The following LDB2 variants were observed in gnomAD, a reference collection of about 807,000 sequenced individuals.
LDB2 encodes the protein LIM domain-binding protein 2.
In LDB2, 12 loss-of-function variants were observed where a neutral mutation model predicts 44.3. The observed-to-expected ratio is 0.27, with a 90% CI of 0.17 to 0.44. LDB2 has a LOEUF of 0.44. Among genes scored for constraint, LDB2 ranks in the 20% least tolerant of loss-of-function variants. The pLI is 1.00. For missense variants in LDB2, 344 were observed against 473.5 expected, an observed-to-expected ratio of 0.73 and a Z score of 2.54; for synonymous variants, 164 against 174.8, an observed-to-expected ratio of 0.94 and a Z score of 0.49.
chr4:16,777,463 C>A (rs1454970556), intron 1 of LDB2, among the ~76,000 whole-genome samples: 2 of 152,128 alleles, frequency 1.3e-5, no homozygotes, highest in East Asian at 1.9e-4. Context: ...GCATTGGAAG[C>A]TGGCGGTGGG....
chr4:16,827,371 C>G (rs1238692414), intron 1 of LDB2, among the ~76,000 whole-genome samples: 2 of 152,152 alleles, frequency 1.3e-5, no homozygotes, highest in African/African-American at 4.8e-5. Context: ...TAAGATGCAT[C>G]TGAAAAGATG....
At chr4:16,707,537 G>C (rs541143816) in intron 2 of LDB2, among the ~76,000 whole-genome samples, 1 of 152,090 alleles carries the variant, frequency 6.6e-6, no homozygotes, top group Non-Finnish European at 1.5e-5. Flanking sequence ...AATTTCGAGG[G>C]TTAATTGTTG....
rs1408315657 is a variant in LDB2 at position 16,512,113 on chromosome 4, A to T, written c.616-9T>A. The T allele has an allele frequency of 3.7e-6, 6 of 1,602,036 alleles. No homozygotes were observed. Among genetic ancestry groups the T allele is most frequent in the South Asian group, 1.1e-5 (1 of 89,548 alleles). On this transcript the variant is annotated splice_polypyrimidine_tract_variant and intron_variant, in intron 5 of 7. Coordinates refer to ENST00000304523, the MANE Select transcript of LDB2 (RefSeq NM_001290.5). Reference sequence around the variant, plus strand: ...TCCAATATTACACACAACTGCAAGAAGTTCAAAGACATTGGCATTTCACTA... The same window carrying T: ...TCCAATATTACACACAACTGCAAGATGTTCAAAGACATTGGCATTTCACTA...
intron 1 of LDB2, among the ~76,000 whole-genome samples, chr4:16,764,722 T>C (rs1443933523): frequency 6.6e-6 from 1 of 152,208 alleles, no homozygotes; most frequent in African/African-American, 2.4e-5. Flanking sequence ...CTGCTGACCG[T>C]AAACTTAGAG....
At chr4:16,766,536 C>G (rs1769330370) in intron 1 of LDB2, among the ~76,000 whole-genome samples, 1 of 145,458 alleles carries the variant, frequency 6.9e-6, no homozygotes, top group Non-Finnish European at 1.5e-5. Context: ...GACAGAATCT[C>G]GCTCTGTCAC....
At chr4:16,873,162 A>G (rs919130634) in intron 1 of LDB2, among the ~76,000 whole-genome samples, 7 of 152,198 alleles carry the variant, frequency 4.6e-5, no homozygotes, top group African/African-American at 1.7e-4. Context: ...TTTAGCAATG[A>G]GAAGACCTGG....
At chr4:16,619,014 G>T (rs1728137356) in intron 2 of LDB2, among the ~76,000 whole-genome samples, 1 of 152,182 alleles carries the variant, frequency 6.6e-6, no homozygotes, top group Non-Finnish European at 1.5e-5. Flanking sequence ...CTTTCGCCAT[G>T]ATTGTAAGTT....
At chr4:16,516,718 C>T (rs1577311059) in intron 5 of LDB2, among the ~76,000 whole-genome samples, 1 of 152,182 alleles carries the variant, frequency 6.6e-6, no homozygotes, top group Non-Finnish European at 1.5e-5. Context: ...TGACTTTCCT[C>T]TCTGGGTTTT....
At chr4:16,781,532 G>C (rs745440023) in intron 1 of LDB2, among the ~76,000 whole-genome samples, 10 of 152,120 alleles carry the variant, frequency 6.6e-5, no homozygotes, top group Non-Finnish European at 1.3e-4. Context: ...CAAGTAGATG[G>C]AGTAGATCAT....
intron 1 of LDB2, among the ~76,000 whole-genome samples, chr4:16,779,331 T>G (rs780259789): frequency 2.0e-5 from 3 of 152,212 alleles, no homozygotes; most frequent in Admixed American, 6.5e-5. Context: ...TGAAGCAAAA[T>G]GTCATCTAAA....
intron 1 of LDB2, among the ~76,000 whole-genome samples, chr4:16,796,025 T>C (rs1382911298): frequency 6.6e-6 from 1 of 152,022 alleles, no homozygotes; most frequent in Admixed American, 6.6e-5. Flanking sequence ...GGCGCGGTGG[T>C]TCACGCCTAT....
intron 1 of LDB2, among the ~76,000 whole-genome samples, chr4:16,788,159 A>G (rs544640753): frequency 4.6e-5 from 7 of 152,334 alleles, no homozygotes; most frequent in African/African-American, 1.4e-4. Context: ...TGGCTTTAAG[A>G]AAATCCCAAG....
chr4:16,687,326 G>T (rs1309328269), intron 2 of LDB2, among the ~76,000 whole-genome samples: 1 of 152,116 alleles, frequency 6.6e-6, no homozygotes, highest in African/African-American at 2.4e-5. Context: ...TATAAAAAGA[G>T]ACTTGAGAGC....
At chr4:16,549,286 G>A (rs548071497) in intron 5 of LDB2, among the ~76,000 whole-genome samples, 2 of 152,258 alleles carry the variant, frequency 1.3e-5, no homozygotes, top group Admixed American at 1.3e-4. Context: ...CTTCCATATA[G>A]GAGACAGTTA....
At chr4:16,842,411 G>A (rs1390653426) in intron 1 of LDB2, among the ~76,000 whole-genome samples, 3 of 151,722 alleles carry the variant, frequency 2.0e-5, no homozygotes, top group South Asian at 4.1e-4. Flanking sequence ...ACCTTATTCA[G>A]TACATTTTCT....
chr4:16,724,048 G>A (rs917288011), intron 2 of LDB2, among the ~76,000 whole-genome samples: 2 of 152,110 alleles, frequency 1.3e-5, no homozygotes, highest in African/African-American at 4.8e-5. Flanking sequence ...GCCTAGTGCA[G>A]TGCAGCCAAT....
intron 2 of LDB2, among the ~76,000 whole-genome samples, chr4:16,683,617 A>G (rs945237653): frequency 1.4e-4 from 22 of 152,378 alleles, no homozygotes; most frequent in African/African-American, 5.0e-4. Flanking sequence ...AGAAGAGGGT[A>G]AACTTCTATC....
intron 2 of LDB2, among the ~76,000 whole-genome samples, chr4:16,621,687 G>A (rs1728921702): frequency 6.6e-6 from 1 of 152,070 alleles, no homozygotes; most frequent in African/African-American, 2.4e-5. Context: ...CAAGTAGCTA[G>A]GACAACAGAC....
rs139855407 is a variant in LDB2 at position 16,763,018 on chromosome 4, C to T, written c.133-3758G>A. ...TTCAGTGGAACATGGGATGAATCAA[C>T]GTCTCAGGAAATTTCAGAAGAGGTC... On this transcript the variant is annotated intron_variant, in intron 1 of 7. Coordinates refer to ENST00000304523, the MANE Select transcript of LDB2 (RefSeq NM_001290.5). Among the ~76,000 whole-genome samples, 153 of 149,808 alleles carry T rather than the reference C, an allele frequency of 1.0e-3. 1 individual carries two copies. The highest frequency in any genetic ancestry group is 3.6e-3 in the African/African-American group (148 of 40,884).
Sources: gnomAD v4.1 joint callset for allele counts (sites outside exome capture counted in the v4.1 genomes callset) on GRCh38, gnomAD v4.1.1 for gene constraint, MANE v1.5 for transcripts, NCBI Gene and HGNC (gene_info 2026-07-23, HGNC 2026-07-21) for gene names.